Variants in DAB1 observed in about 807,000 individuals in gnomAD.
The protein encoded by DAB1 is DAB adaptor protein 1, also known as disabled homolog 1.
A neutral mutation model predicts 64.6 loss-of-function variants in DAB1; 15 were observed. That is an observed-to-expected ratio of 0.23 (90% CI 0.16 to 0.36). The LOEUF (loss-of-function observed/expected upper bound fraction) is 0.36, where lower values mean the gene tolerates loss of function less well. Ranked by LOEUF, DAB1 falls within the 10% of genes least tolerant of loss-of-function variation. The pLI is 1.00. For synonymous variants in DAB1, 235 were observed against 251.9 expected (o/e 0.93, Z 0.64); for missense variants, 596 against 706.7 (o/e 0.84, Z 1.78).
intron 1 of DAB1, among the ~76,000 whole-genome samples, chr1:57,337,813 A>G (rs909452507): frequency 2.0e-4 from 30 of 151,940 alleles, no homozygotes; most frequent in African/African-American, 7.0e-4. Context: ...TTCCACTAGA[A>G]AGTTCCAGGA....
chr1:57,953,215 G>C (rs1202791), intron 5 of DAB1, among the ~76,000 whole-genome samples: 27,091 of 152,194 alleles, frequency 0.18, 3,607 homozygotes, highest in African/African-American at 0.37. Context: ...GAAGAAGCTT[G>C]ACTTTTCTAT....
intron 5 of DAB1, among the ~76,000 whole-genome samples, chr1:58,023,476 T>C (rs182820674): frequency 9.2e-5 from 14 of 152,240 alleles, no homozygotes; most frequent in Admixed American, 7.2e-4. Flanking sequence ...GATATTGGTA[T>C]TTTTAAATTC....
chr1:58,400,679 A>C (rs1347510422), intron 3 of DAB1, among the ~76,000 whole-genome samples: 1 of 152,232 alleles, frequency 6.6e-6, no homozygotes, highest in Non-Finnish European at 1.5e-5. Flanking sequence ...GTTACACAAA[A>C]AAATGATCAG....
chr1:58,141,389 C>A (rs1654276432), intron 5 of DAB1, among the ~76,000 whole-genome samples: 1 of 152,108 alleles, frequency 6.6e-6, no homozygotes, highest in South Asian at 2.1e-4. Flanking sequence ...ATCACGAGAA[C>A]AGCATGGGAA....
At chr1:57,452,355 C>G (rs1489133991) in intron 7 of DAB1, among the ~76,000 whole-genome samples, 1 of 151,922 alleles carries the variant, frequency 6.6e-6, no homozygotes, top group Non-Finnish European at 1.5e-5. Context: ...TACTTGAATT[C>G]TAGCTTACTC....
intron 6 of DAB1, among the ~76,000 whole-genome samples, chr1:57,729,122 A>G (rs1392241080): frequency 6.6e-6 from 1 of 152,230 alleles, no homozygotes; most frequent in Non-Finnish European, 1.5e-5. Context: ...AAGTTGCAGT[A>G]ATTCCAATGG....
chr1:57,202,345 T>C (rs1665173755), intron 2 of DAB1, among the ~76,000 whole-genome samples: 1 of 152,222 alleles, frequency 6.6e-6, no homozygotes, highest in African/African-American at 2.4e-5. Context: ...TTTTTAATTT[T>C]ATTTTTCTGA....
chr1:58,236,589 G>C (rs1360574504), intron 4 of DAB1, among the ~76,000 whole-genome samples: 1 of 152,220 alleles, frequency 6.6e-6, no homozygotes, highest in African/African-American at 2.4e-5. Flanking sequence ...ACAGAAATAA[G>C]AGATTATATG....
intron 6 of DAB1, among the ~76,000 whole-genome samples, chr1:57,811,305 C>T (rs1340791701): frequency 2.0e-5 from 3 of 152,202 alleles, no homozygotes; most frequent in African/African-American, 7.2e-5. Context: ...GGTGGTTTCT[C>T]ACGAATGCTT....
intron 6 of DAB1, among the ~76,000 whole-genome samples, chr1:57,717,839 A>T (rs1647102678): frequency 6.6e-6 from 1 of 152,134 alleles, no homozygotes; most frequent in Non-Finnish European, 1.5e-5. Context: ...GGAGGACATT[A>T]TGTTAGGTTA....
intron 6 of DAB1, among the ~76,000 whole-genome samples, chr1:57,702,679 T>C (rs905546287): frequency 6.6e-6 from 1 of 152,194 alleles, no homozygotes; most frequent in Admixed American, 6.5e-5. Flanking sequence ...GTACTTGCCA[T>C]TTGGAAGATA....
At chr1:57,035,771 C>G (rs569606130) in intron 9 of DAB1, among the ~76,000 whole-genome samples, 23 of 150,024 alleles carry the variant, frequency 1.5e-4, no homozygotes, top group Non-Finnish European at 2.5e-4. Flanking sequence ...AGTAGATGCC[C>G]AAGGAATAGT....
intron 2 of DAB1, among the ~76,000 whole-genome samples, chr1:58,522,281 A>G (rs1238164710): frequency 6.6e-6 from 1 of 152,200 alleles, no homozygotes; most frequent in Non-Finnish European, 1.5e-5. Flanking sequence ...TTATTAATGT[A>G]ACAAACCTGC....
rs367863129 is a variant in DAB1 at position 57,039,172 on chromosome 1, A to G, written c.724-13129T>C. On this transcript the variant is annotated intron_variant, in intron 9 of 14. Coordinates refer to ENST00000371236, the MANE Select transcript of DAB1 (RefSeq NM_001365792.1). ...TGCTCCATCACTGGCATTTCCTTGA[A>G]TAAAGTTTATCATTTAAGCCTCAGT... is the stretch of plus-strand genomic sequence containing the variant. Among the ~76,000 whole-genome samples the G allele has an allele frequency of 1.2e-3, 185 of 152,340 alleles. 3 individuals carry two copies. In the South Asian group the frequency reaches 0.037, roughly 30 times the overall value.
intron 4 of DAB1, among the ~76,000 whole-genome samples, chr1:58,335,060 A>C (rs1386564345): frequency 6.6e-6 from 1 of 152,226 alleles, no homozygotes; most frequent in African/African-American, 2.4e-5. Flanking sequence ...GCTATAAAGA[A>C]AACTAAAGCA....
chr1:57,611,035 C>G (rs1645719427), intron 7 of DAB1, among the ~76,000 whole-genome samples: 1 of 151,750 alleles, frequency 6.6e-6, no homozygotes, highest in Admixed American at 6.6e-5. Context: ...TAGCAACCCT[C>G]AAGTTTCACT....
chr1:58,277,737 G>A (rs1351253668), intron 4 of DAB1, among the ~76,000 whole-genome samples: 2 of 152,184 alleles, frequency 1.3e-5, no homozygotes, highest in African/African-American at 4.8e-5. Context: ...ATGCTCTTCT[G>A]CAGCCTCATC....
chr1:57,446,467 C>A (rs1686141037), intron 7 of DAB1, among the ~76,000 whole-genome samples: 1 of 151,992 alleles, frequency 6.6e-6, no homozygotes, highest in South Asian at 2.1e-4. Context: ...CTTGGTGGCA[C>A]ATGCCTATAA....
intron 6 of DAB1, among the ~76,000 whole-genome samples, chr1:57,741,025 A>C (rs1647966203): frequency 6.6e-6 from 1 of 152,112 alleles, no homozygotes; most frequent in African/African-American, 2.4e-5. Flanking sequence ...TTTGGTTGAC[A>C]CTTCCTCTGG....
Sources: gnomAD v4.1 joint callset for allele counts (sites outside exome capture counted in the v4.1 genomes callset) on GRCh38, gnomAD v4.1.1 for gene constraint, MANE v1.5 for transcripts, NCBI Gene and HGNC (gene_info 2026-07-23, HGNC 2026-07-21) for gene names.